The following HCCS variants were observed in gnomAD, a reference collection of about 807,000 sequenced individuals.
HCCS encodes the protein holocytochrome c-type synthase.
A neutral mutation model predicts 24.2 loss-of-function variants in HCCS; 2 were observed. That is an observed-to-expected ratio of 0.08 (90% CI 0.03 to 0.26). The LOEUF (loss-of-function observed/expected upper bound fraction) is 0.26, where lower values mean the gene tolerates loss of function less well. Among genes scored for constraint, HCCS ranks in the 10% least tolerant of loss-of-function variants. HCCS has a pLI of 1.00. For synonymous variants in HCCS, 73 were observed against 76.2 expected (o/e 0.96, Z 0.22); for missense variants, 150 against 213.3 (o/e 0.70, Z 1.85).
At position 11,121,004 on chromosome X, in the gene HCCS, G is replaced by C; in HGVS notation, c.608+11G>C. Reference sequence around the variant, plus strand: ...TCGTTCCTGGATGGGGTGAGTGTCAGCGCAGAAGTGTTGTTTCACCATCCT... The same window carrying C: ...TCGTTCCTGGATGGGGTGAGTGTCACCGCAGAAGTGTTGTTTCACCATCCT... On this transcript the variant is annotated intron_variant, in intron 6 of 6. Transcript: ENST00000380762. 8.6e-7 allele frequency: 1 copy of C among 1,165,742 alleles called. No homozygotes were observed. The highest frequency in any genetic ancestry group is 1.2e-6 in the Non-Finnish European group (1 of 853,381).
Position 11,118,617 on chromosome X carries a change from C to T in HCCS, c.518C>T (p.Ala173Val), listed in dbSNP as rs201397918. The change falls in exon 5 of 7, where the codon GCT becomes GTT. Residue 173 changes from alanine (A) to valine (V), a missense_variant. Ala to Val is a moderately conservative substitution (Grantham distance 64). Coordinates refer to ENST00000380762, the MANE Select transcript of HCCS (RefSeq NM_005333.5). ...KEILKWEALH[A>V]AECPCGPSLI... ...ATTTTGAAGTGGGAAGCCCTTCATG[C>T]TGCGTAAGTATGTTTGAGATCTTAA... is the stretch of plus-strand genomic sequence containing the variant. 8.7e-5 allele frequency: 105 copies of T among 1,205,614 alleles called. No homozygotes were observed. In the East Asian group the frequency reaches 1.5e-3, roughly 17 times the overall value.
intron 2 of HCCS, among the ~76,000 whole-genome samples, chrX:11,114,040 A>G (rs2147250045): frequency 8.9e-6 from 1 of 112,863 alleles, no homozygotes; most frequent in East Asian, 2.8e-4. Flanking sequence ...TCTCTGAACC[A>G]GTTTCCCAGT....
At chrX:11,114,046 C>T (rs1054974501) in intron 2 of HCCS, among the ~76,000 whole-genome samples, 1 of 112,891 alleles carries the variant, frequency 8.9e-6, no homozygotes, top group Non-Finnish European at 1.9e-5. Flanking sequence ...AACCAGTTTC[C>T]CAGTCCCTCA....
intron 4 of HCCS, 90 bp downstream of exon 4, chrX:11,117,505 T>A: frequency 1.3e-6 from 1 of 790,721 alleles, no homozygotes; most frequent in Non-Finnish European, 1.9e-6. Context: ...CAAAACAATA[T>A]AGTACATTTT....
chrX:11,121,016 T>G, intron 6 of HCCS, 23 bp downstream of exon 6: 1 of 1,115,780 alleles, frequency 9.0e-7, no homozygotes, highest in African/African-American at 1.8e-5. Context: ...GCAGAAGTGT[T>G]GTTTCACCAT....
Position 11,117,296 on chromosome X carries a change from A to G in HCCS, c.282A>G (p.Pro94=), listed in dbSNP as rs1166730003. 6.6e-6 allele frequency: 8 copies of G among 1,209,825 alleles called. No individual in the cohort carries two copies. Among genetic ancestry groups the G allele is most frequent in the Non-Finnish European group, 9.0e-6 (8 of 893,488 alleles). The stretch of plus-strand genomic sequence containing the variant: ...CACCACCAAATCAAACACCAGCTCC[A>G]GATCAGCCATTTGCATTGTCTACTG... The part of the protein sequence containing the change: ...LMPPPNQTPA[P]DQPFALSTVR... The change falls in exon 4 of 7, where the codon CCA becomes CCG. Residue 94 remains proline, a synonymous_variant. Transcript: ENST00000380762.
chrX:11,115,577 A>C (rs865924568), intron 3 of HCCS, among the ~76,000 whole-genome samples: 1 of 112,098 alleles, frequency 8.9e-6, no homozygotes, highest in Middle Eastern at 4.6e-3. Flanking sequence ...AGGATTATCA[A>C]GAATAGAAAT....
chrX:11,120,046 C>G (rs982942761), intron 5 of HCCS: 14 of 322,127 alleles, frequency 4.3e-5, no homozygotes, highest in Non-Finnish European at 7.8e-5. Context: ...GGAGTAGTTC[C>G]TAAAAGGAGA....
intron 6 of HCCS, 28 bp downstream of exon 6, chrX:11,121,021 C>T (rs2045487711): frequency 9.1e-7 from 1 of 1,100,644 alleles, no homozygotes; most frequent in Non-Finnish European, 1.3e-6. Context: ...AGTGTTGTTT[C>T]ACCATCCTCA....
At chrX:11,112,208 C>T (rs1326946528) in intron 2 of HCCS, 48 bp downstream of exon 2, 1 of 1,001,458 alleles carries the variant, frequency 1.0e-6, no homozygotes, top group Non-Finnish European at 1.4e-6. Context: ...TAATTCACGG[C>T]TGGGTGCGGT....
intron 5 of HCCS, chrX:11,119,996 T>A: frequency 3.1e-6 from 1 of 327,166 alleles, no homozygotes; most frequent in Non-Finnish European, 5.9e-6. Flanking sequence ...TGAGTTTACC[T>A]TTTTGCCTGT....
In HCCS at chrX:11,122,915, TG is replaced by T. The variant is rs768032763; in HGVS notation, c.*1106del. ...TACTATTAAATCCTTTAATTTATCC[TG>T]AATGCTGTAGTGTTAAATTAGTGGA... On this transcript the variant is annotated 3_prime_UTR_variant, in exon 7 of 7. Transcript: ENST00000380762. The T allele has an allele frequency of 2.7e-5, 3 of 111,473 alleles. No individual in the cohort carries two copies. In the East Asian group the frequency reaches 8.5e-4, roughly 31 times the overall value. The allele number at this position is 111,473 out of a possible 1,213,427, so 9.2% of individuals were successfully genotyped here. A position where few individuals can be genotyped will look rare whatever the true frequency, so the allele number is the denominator to read the frequency against.
intron 5 of HCCS, among the ~76,000 whole-genome samples, chrX:11,119,795 A>G (rs948982442): frequency 3.6e-5 from 4 of 112,227 alleles, no homozygotes; most frequent in African/African-American, 6.5e-5. Context: ...GCAGTGACCT[A>G]CTTTGAAAGT....
intron 3 of HCCS, among the ~76,000 whole-genome samples, chrX:11,115,472 C>G (rs766915935): frequency 8.9e-6 from 1 of 111,974 alleles, no homozygotes; most frequent in East Asian, 2.8e-4. Context: ...GATGTGACAT[C>G]ACTACATTTT....
At position 11,118,196 on chromosome X, in the gene HCCS, T is replaced by C. The variant is rs147044058; in HGVS notation, c.402-305T>C. The C allele has an allele frequency of 4.2e-3, 1,328 of 316,450 alleles. 4 individuals carry two copies. The highest frequency in any genetic ancestry group is 5.2e-3 in the Non-Finnish European group (901 of 173,557). 26.1% of individuals were successfully genotyped at this position (316,450 alleles called of 1,213,427 possible). On this transcript the variant is annotated intron_variant, in intron 4 of 6. Transcript: ENST00000380762. Reference sequence around the variant, plus strand: ...TTGATCAGTGGTACTATCTGAACAATTGTCACCTTAAAAATAGATGATTCT... The same window carrying C: ...TTGATCAGTGGTACTATCTGAACAACTGTCACCTTAAAAATAGATGATTCT...
Position 11,122,880 on chromosome X carries a change from T to A in HCCS, c.*1070T>A, listed in dbSNP as rs2045503006. On this transcript the variant is annotated 3_prime_UTR_variant, in exon 7 of 7. Transcript: ENST00000380762. The stretch of plus-strand genomic sequence containing the variant: ...GTTACAAATGACTGCTTTTTTTTTT[T>A]AACTGTCTATACTATTAAATCCTTT... 9.0e-6 allele frequency: 1 copy of A among 111,394 alleles called. No homozygotes were observed. Among genetic ancestry groups the A allele is most frequent in the Non-Finnish European group, 1.9e-5 (1 of 53,047 alleles). The allele number at this position is 111,394 out of a possible 1,213,427, so 9.2% of individuals were successfully genotyped here.
At chrX:11,115,892 A>G (rs2045444391) in intron 3 of HCCS, among the ~76,000 whole-genome samples, 1 of 111,892 alleles carries the variant, frequency 8.9e-6, no homozygotes, top group African/African-American at 3.3e-5. Context: ...TCTCTGTAGC[A>G]TGAAAGCAGC....
At chrX:11,114,005 C>G (rs756255879) in intron 2 of HCCS, among the ~76,000 whole-genome samples, 1 of 112,575 alleles carries the variant, frequency 8.9e-6, no homozygotes, top group African/African-American at 3.2e-5. Flanking sequence ...TCTTCTGTGT[C>G]TCAGCTCTCC....
At chrX:11,114,134 G>A (rs931821978) in intron 2 of HCCS, among the ~76,000 whole-genome samples, 2 of 112,517 alleles carry the variant, frequency 1.8e-5, no homozygotes, top group Non-Finnish European at 3.8e-5. Flanking sequence ...ACCTTCCCTC[G>A]TAATGGGCAT....
Sources: allele counts gnomAD v4.1 joint callset (sites outside exome capture counted in the v4.1 genomes callset), GRCh38; gene constraint gnomAD v4.1.1; transcripts MANE v1.5; gene names NCBI Gene and HGNC (gene_info 2026-07-23, HGNC 2026-07-21).